Variants in CSMD1 observed in about 807,000 individuals in gnomAD.
CSMD1 encodes CUB and Sushi multiple domains 1.
Under a neutral mutation model 417.5 loss-of-function variants are expected in CSMD1, and 213 were observed. That is an observed-to-expected ratio of 0.51 (90% CI 0.46 to 0.57). The LOEUF is 0.57. Ranked by LOEUF, CSMD1 falls within the 20% of genes least tolerant of loss-of-function variation. The probability of loss-of-function intolerance (pLI) is 0.00; values close to 1 mark genes in which losing one functional copy is unlikely to be tolerated. For missense variants in CSMD1, 6,923 were observed against 4,529.7 expected (o/e 1.53, Z -15.17); for synonymous variants, 2,862 against 1,736.8 (o/e 1.65, Z -16.11).
Position 4,994,599 on chromosome 8 carries a change from A to G in CSMD1, c.-183T>C. 1.7e-6 allele frequency: 1 copy of G among 604,586 alleles called. No individual in the cohort carries two copies. The allele number at this position is 604,586 out of a possible 1,614,324, so 37.5% of individuals were successfully genotyped here. A position where few individuals can be genotyped will look rare whatever the true frequency, so the allele number is the denominator to read the frequency against. On this transcript the variant is annotated 5_prime_UTR_variant, in exon 1 of 70. The change abolishes an upstream ATG in the 5' untranslated region. Transcript: ENST00000635120. ...GCCCGGCTCGCTTCCCTCTCATAGC[A>G]TCGGGTCCCGAGCCACTGCAGGGCT...
chr8:4,819,093 C>T (rs1357877954), intron 1 of CSMD1, among the ~76,000 whole-genome samples: 1 of 152,246 alleles, frequency 6.6e-6, no homozygotes, highest in East Asian at 1.9e-4. Context: ...TTGCATGTCA[C>T]TTGCTGCTAT....
chr8:3,791,159 T>A (rs957493637), intron 5 of CSMD1, among the ~76,000 whole-genome samples: 12 of 152,214 alleles, frequency 7.9e-5, no homozygotes, highest in African/African-American at 2.9e-4. Flanking sequence ...TCTAGGTTAT[T>A]ACTTATATTT....
intron 8 of CSMD1, among the ~76,000 whole-genome samples, chr8:3,606,294 C>T (rs1276461695): frequency 6.6e-6 from 1 of 152,082 alleles, no homozygotes; most frequent in Non-Finnish European, 1.5e-5. Context: ...GGCCCTTACA[C>T]CCACCCAGAT....
intron 1 of CSMD1, among the ~76,000 whole-genome samples, chr8:4,799,311 A>G (rs1798152288): frequency 6.6e-6 from 1 of 152,222 alleles, no homozygotes. Context: ...AAGATGTTCA[A>G]TTTAATTTAT....
At chr8:3,124,345 A>G (rs1447003673) in intron 41 of CSMD1, among the ~76,000 whole-genome samples, 1 of 152,222 alleles carries the variant, frequency 6.6e-6, no homozygotes, top group African/African-American at 2.4e-5. Context: ...AGTTGCATAA[A>G]TTATTATTAA....
intron 3 of CSMD1, among the ~76,000 whole-genome samples, chr8:4,220,374 G>A (rs1241818188): frequency 6.6e-6 from 1 of 152,170 alleles, no homozygotes; most frequent in East Asian, 1.9e-4. Flanking sequence ...ACCATGAGGA[G>A]GACCCACAGA....
chr8:3,699,919 GGGTTATATCCCATAA>G (rs1314759719), intron 7 of CSMD1, among the ~76,000 whole-genome samples: 14 of 151,248 alleles, frequency 9.3e-5, no homozygotes, highest in East Asian at 5.8e-4. Context: ...CTACATCCCT[GGGTTATATCCCATAA>G]CTACATCCCT....
At chr8:4,436,507 TCAAA>T (rs1442343111) in intron 2 of CSMD1, among the ~76,000 whole-genome samples, 4 of 152,164 alleles carry the variant, frequency 2.6e-5, no homozygotes, top group Non-Finnish European at 5.9e-5. Context: ...ATCTCTCCTC[TCAAA>T]CATTTATCCT....
chr8:3,062,509 T>C (rs1479760014), intron 49 of CSMD1, among the ~76,000 whole-genome samples: 2 of 151,912 alleles, frequency 1.3e-5, no homozygotes, highest in Non-Finnish European at 2.9e-5. Flanking sequence ...GACTTGGCTT[T>C]TGCAGACACT....
At chr8:4,891,246 T>C (rs1320266610) in intron 1 of CSMD1, among the ~76,000 whole-genome samples, 1 of 152,130 alleles carries the variant, frequency 6.6e-6, no homozygotes, top group African/African-American at 2.4e-5. Flanking sequence ...GTGCAAATAA[T>C]TGTACCTATC....
At chr8:3,719,862 G>A (rs913100156) in intron 6 of CSMD1, among the ~76,000 whole-genome samples, 53 of 152,128 alleles carry the variant, frequency 3.5e-4, no homozygotes, top group Non-Finnish European at 3.1e-4. Context: ...TTGTAAGAAA[G>A]ACTTAATCAT....
At chr8:4,030,832 T>A (rs1050475178) in intron 4 of CSMD1, among the ~76,000 whole-genome samples, 29 of 152,344 alleles carry the variant, frequency 1.9e-4, no homozygotes, top group South Asian at 1.4e-3. Context: ...AGACACCTCT[T>A]GAATGCTTTG....
chr8:2,957,653 T>C (rs911422912), intron 63 of CSMD1, 43 bp downstream of exon 63: 2 of 1,222,098 alleles, frequency 1.6e-6, no homozygotes, highest in East Asian at 2.5e-5. Flanking sequence ...ACATTCACAA[T>C]AAATAGGTGA....
chr8:3,957,946 G>T (rs888727154), intron 5 of CSMD1, among the ~76,000 whole-genome samples: 1 of 152,124 alleles, frequency 6.6e-6, no homozygotes, highest in Non-Finnish European at 1.5e-5. Context: ...AAATCCTGCA[G>T]GGTATAAAAT....
chr8:4,637,837 A>C (rs546699830), intron 1 of CSMD1, among the ~76,000 whole-genome samples: 1 of 151,134 alleles, frequency 6.6e-6, no homozygotes, highest in East Asian at 2.0e-4. Flanking sequence ...CGCCCGGCTA[A>C]TTTTTTGTAT....
intron 37 of CSMD1, among the ~76,000 whole-genome samples, chr8:3,166,018 A>T (rs1249146168): frequency 6.6e-6 from 1 of 152,148 alleles, no homozygotes; most frequent in Non-Finnish European, 1.5e-5. Context: ...AAAAAATTAG[A>T]CTATTTATAT....
rs117708643 is a variant in CSMD1, at chr8:3,935,452, G to A, written c.818+62451C>T. The stretch of plus-strand genomic sequence containing the variant: ...AAAAATTGAAGTTTCCTGGCAACCC[G>A]ACATTAAACAGGTCTATTGGTGTCA... On this transcript the variant is annotated intron_variant, in intron 5 of 69. Coordinates refer to ENST00000635120, the MANE Select transcript of CSMD1 (RefSeq NM_033225.6). 4.6e-3 allele frequency among the ~76,000 whole-genome samples: 703 copies of A among 152,230 alleles called. 2 individuals are homozygous for A. The highest frequency in any genetic ancestry group is 7.3e-3 in the Non-Finnish European group (495 of 68,016).
intron 3 of CSMD1, among the ~76,000 whole-genome samples, chr8:4,276,451 A>C (rs998434532): frequency 5.3e-5 from 8 of 152,130 alleles, no homozygotes; most frequent in African/African-American, 1.9e-4. Context: ...TTGGAGGGGA[A>C]CATCACACAC....
intron 7 of CSMD1, among the ~76,000 whole-genome samples, chr8:3,694,579 C>T (rs534457512): frequency 7.9e-5 from 12 of 151,846 alleles, no homozygotes; most frequent in Non-Finnish European, 1.3e-4. Flanking sequence ...GCCCGAGACT[C>T]CCCACCCTGC....
Sources: gnomAD v4.1 joint callset for allele counts (sites outside exome capture counted in the v4.1 genomes callset) on GRCh38, gnomAD v4.1.1 for gene constraint, MANE v1.5 for transcripts, NCBI Gene and HGNC (gene_info 2026-07-23, HGNC 2026-07-21) for gene names.